ZNF704: variants seen among roughly 807,000 people sequenced by gnomAD.
ZNF704 encodes glucocorticoid induced gene 1.
A neutral mutation model predicts 44.7 loss-of-function variants in ZNF704; 10 were observed. The observed-to-expected ratio is 0.22, with a 90% confidence interval of 0.14 to 0.38. The LOEUF (loss-of-function observed/expected upper bound fraction) is 0.38. ZNF704 is among the 10% of genes least tolerant of loss of function. ZNF704 has a pLI of 1.00. For synonymous variants in ZNF704, 211 were observed against 207.6 expected, an observed-to-expected ratio of 1.02 and a Z score of -0.14; for missense variants, 390 against 545.5, an observed-to-expected ratio of 0.71 and a Z score of 2.84.
At chr8:80,764,483 G>A (rs555122450) in intron 2 of ZNF704, among the ~76,000 whole-genome samples, 33 of 152,204 alleles carry the variant, frequency 2.2e-4, no homozygotes, top group East Asian at 5.8e-4. Context: ...ATCCAATCAC[G>A]TCCCTCCCTC....
At chr8:80,664,679 G>T in intron 6 of ZNF704, 136 bp downstream of exon 6, 1 of 1,061,524 alleles carries the variant, frequency 9.4e-7, no homozygotes, top group Non-Finnish European at 1.4e-6. Flanking sequence ...AGGCTTTAAA[G>T]GGAGAAAAAT....
At chr8:80,848,368 A>G (rs746468677) in intron 1 of ZNF704, among the ~76,000 whole-genome samples, 15 of 152,192 alleles carry the variant, frequency 9.9e-5, no homozygotes, top group Non-Finnish European at 1.5e-4. Flanking sequence ...ATGCATACAC[A>G]TGTTCACATG....
chr8:80,828,718 A>T (rs192652931), intron 1 of ZNF704, among the ~76,000 whole-genome samples: 2 of 152,310 alleles, frequency 1.3e-5, no homozygotes, highest in Admixed American at 1.3e-4. Flanking sequence ...ATACAAGGAG[A>T]ATATGTGTGT....
intron 2 of ZNF704, among the ~76,000 whole-genome samples, chr8:80,818,220 C>G (rs1404315635): frequency 6.6e-6 from 1 of 151,926 alleles, no homozygotes; most frequent in African/African-American, 2.4e-5. Context: ...TGAGAATAAG[C>G]AAAAGATAAA....
chr8:80,864,425 C>CA (rs1238879250), intron 1 of ZNF704, among the ~76,000 whole-genome samples: 1 of 152,096 alleles, frequency 6.6e-6, no homozygotes, highest in Non-Finnish European at 1.5e-5. Context: ...CTTAGAAACT[C>CA]AAAATGGCCC....
At chr8:80,855,472 C>T (rs945319373) in intron 1 of ZNF704, among the ~76,000 whole-genome samples, 9 of 152,088 alleles carry the variant, frequency 5.9e-5, no homozygotes, top group African/African-American at 2.2e-4. Flanking sequence ...GATCCTGTTT[C>T]TTGCAGTGAC....
intron 2 of ZNF704, among the ~76,000 whole-genome samples, chr8:80,742,932 C>T (rs1229394305): frequency 6.6e-6 from 1 of 152,070 alleles, no homozygotes; most frequent in Non-Finnish European, 1.5e-5. Context: ...GAAGGTGACG[C>T]ATCCACCTTT....
chr8:80,772,220 A>G (rs1437964234), intron 2 of ZNF704, among the ~76,000 whole-genome samples: 1 of 152,190 alleles, frequency 6.6e-6, no homozygotes, highest in Non-Finnish European at 1.5e-5. Context: ...GGGTAATACT[A>G]GTTTCATAAA....
chr8:80,804,170 A>C (rs936408018), intron 2 of ZNF704, among the ~76,000 whole-genome samples: 9 of 152,142 alleles, frequency 5.9e-5, no homozygotes, highest in African/African-American at 2.2e-4. Flanking sequence ...TAAAAAGTTA[A>C]AGAACAATAG....
At chr8:80,821,248 A>C in intron 2 of ZNF704, 126 bp downstream of exon 2, 1 of 1,028,214 alleles carries the variant, frequency 9.7e-7, no homozygotes, top group East Asian at 2.4e-5. Context: ...GCAATAGAAA[A>C]AATTTCTTGG....
At chr8:80,777,062 T>A (rs1807425750) in intron 2 of ZNF704, 1 of 152,098 alleles carries the variant, frequency 6.6e-6, no homozygotes, top group Admixed American at 6.5e-5. Context: ...ATTTATAAAA[T>A]TTTCTATCCA....
At chr8:80,653,511 C>T (rs1485223407) in intron 7 of ZNF704, among the ~76,000 whole-genome samples, 1 of 152,108 alleles carries the variant, frequency 6.6e-6, no homozygotes, top group Non-Finnish European at 1.5e-5. Flanking sequence ...CACAAGCATT[C>T]TTATAACCAA....
intron 7 of ZNF704, among the ~76,000 whole-genome samples, chr8:80,655,447 CTG>C (rs1417723972): frequency 6.6e-6 from 1 of 152,056 alleles, no homozygotes; most frequent in African/African-American, 2.4e-5. Context: ...TTGAGTATAT[CTG>C]TGTTACAGGA....
chr8:80,825,839 C>T lies in ZNF704; in HGVS notation c.-21-4224G>A, dbSNP rs533350213. Among the ~76,000 whole-genome samples, 313 of 152,180 alleles carry T rather than the reference C, an allele frequency of 2.1e-3. 2 individuals carry two copies. Among genetic ancestry groups the T allele is most frequent in the African/African-American group, 7.0e-3 (291 of 41,506 alleles). On this transcript the variant is annotated intron_variant, in intron 1 of 8. Coordinates refer to ENST00000327835, the MANE Select transcript of ZNF704 (RefSeq NM_001033723.3). Reference sequence around the variant, plus strand: ...TCCTGAATGACTACTGGGTACATCACGAAATGAAGGGAGAAATAAAGATGT... The same window carrying T: ...TCCTGAATGACTACTGGGTACATCATGAAATGAAGGGAGAAATAAAGATGT...
At chr8:80,717,150 T>C (rs1819083883) in intron 2 of ZNF704, among the ~76,000 whole-genome samples, 1 of 152,230 alleles carries the variant, frequency 6.6e-6, no homozygotes, top group Non-Finnish European at 1.5e-5. Context: ...ATGTCTTAAA[T>C]CCAACTGTAG....
chr8:80,735,594 G>C (rs1806653001), intron 2 of ZNF704, among the ~76,000 whole-genome samples: 1 of 152,192 alleles, frequency 6.6e-6, no homozygotes, highest in South Asian at 2.1e-4. Context: ...GCTTAGCCCA[G>C]GAATTACCAT....
Position 80,821,478 on chromosome 8 carries a change from T to G in ZNF704, c.117A>C (p.Lys39Asn). The change falls in exon 2 of 9, where the codon AAA (lysine) becomes AAC (asparagine). Residue 39 changes from lysine to asparagine, a missense_variant. By Grantham distance (94) the Lys-to-Asn change is moderately conservative (BLOSUM62 0). This residue lies in a region of ZNF704 where 80 missense variants were observed against 83.7 expected (regional missense o/e 0.96). Transcript: ENST00000327835. Reference sequence around the variant, plus strand: ...TTTCATGGTCAAGGATCCGGCTGGCTTTTTTGGTGTCTGCTGTTTTCACAT... The same window carrying G: ...TTTCATGGTCAAGGATCCGGCTGGCGTTTTTGGTGTCTGCTGTTTTCACAT... ...EEDVKTADTK[K>N]ASRILDHEKE... 5.6e-6 allele frequency: 9 copies of G among 1,614,076 alleles called. No individual in the cohort carries two copies. The highest frequency in any genetic ancestry group is 7.6e-6 in the Non-Finnish European group (9 of 1,179,960).
intron 2 of ZNF704, among the ~76,000 whole-genome samples, chr8:80,818,667 C>T (rs1808215697): frequency 6.6e-6 from 1 of 152,012 alleles, no homozygotes; most frequent in Non-Finnish European, 1.5e-5. Context: ...TGGTTGAACC[C>T]ACAGGTGCAG....
chr8:80,790,593 G>A (rs1807687430), intron 2 of ZNF704, among the ~76,000 whole-genome samples: 1 of 152,178 alleles, frequency 6.6e-6, no homozygotes, highest in Non-Finnish European at 1.5e-5. Flanking sequence ...AATGATACTA[G>A]TGGGAGAAGG....
Sources: gnomAD v4.1 joint callset for allele counts (sites outside exome capture counted in the v4.1 genomes callset) on GRCh38, gnomAD v4.1.1 for gene constraint, gnomAD v4.1.1 regional missense constraint, MANE v1.5 for transcripts, NCBI Gene and HGNC (gene_info 2026-07-23, HGNC 2026-07-21) for gene names.